COL5A3: variants seen among roughly 807,000 people sequenced by gnomAD.
COL5A3 encodes collagen alpha-3(V) chain.
In COL5A3, 172 loss-of-function variants were observed where a neutral mutation model predicts 250.0. The ratio of observed to expected loss-of-function variants is 0.69; its 90% confidence interval spans 0.61 to 0.78. COL5A3 has a LOEUF of 0.78. Ranked by LOEUF, COL5A3 falls within the 30% of genes least tolerant of loss-of-function variation. The probability of loss-of-function intolerance (pLI) is 0.00; values close to 1 mark genes in which losing one functional copy is unlikely to be tolerated. For synonymous variants in COL5A3, 937 were observed against 900.4 expected, an observed-to-expected ratio of 1.04 and a Z score of -0.73; for missense variants, 2,340 against 2,334.4, an observed-to-expected ratio of 1.00 and a Z score of -0.05.
chr19:9,983,626 GAAAGAA>G (rs199517294), intron 31 of COL5A3, among the ~76,000 whole-genome samples: 4,647 of 119,186 alleles, frequency 0.039, 203 homozygotes, highest in African/African-American at 0.067. Context: ...GAGAAAGAAA[GAAAGAA>G]GAGAGAGAGA....
At chr19:9,972,749 T>C (rs2086870670) in intron 51 of COL5A3, among the ~76,000 whole-genome samples, 170 bp downstream of exon 51, 1 of 151,774 alleles carries the variant, frequency 6.6e-6, no homozygotes, top group South Asian at 2.1e-4. Flanking sequence ...GGCAGAAGAA[T>C]CGCTTGAACC....
rs780489528 is a variant in COL5A3 at position 9,989,188 on chromosome 19, A to G, written c.2092-11T>C. The G allele has an allele frequency of 9.9e-6, 16 of 1,614,068 alleles. No homozygotes were observed. Among genetic ancestry groups the G allele is most frequent in the Non-Finnish European group, 1.2e-5 (14 of 1,180,014 alleles). On this transcript the variant is annotated splice_polypyrimidine_tract_variant and intron_variant, in intron 26 of 66. Coordinates refer to ENST00000264828, the MANE Select transcript of COL5A3 (RefSeq NM_015719.4). ...CGACCCTGGTGGACCCTGGGAGGAA[A>G]ATAAGGTCAGTGCCATTCTAGACAG...
intron 14 of COL5A3, 41 bp downstream of exon 14, chr19:9,996,165 T>A: frequency 6.4e-7 from 1 of 1,553,276 alleles, no homozygotes; most frequent in Non-Finnish European, 8.7e-7. Flanking sequence ...GATTCTTCAC[T>A]AATGCATGCA....
intron 31 of COL5A3, among the ~76,000 whole-genome samples, chr19:9,985,252 C>T (rs954574329): frequency 3.4e-5 from 5 of 146,284 alleles, no homozygotes; most frequent in African/African-American, 1.3e-4. Context: ...CCCCCGGCCA[C>T]ATCTGGCTAA....
At chr19:9,990,136 G>A (rs2087164713) in intron 24 of COL5A3, among the ~76,000 whole-genome samples, 1 of 151,314 alleles carries the variant, frequency 6.6e-6, no homozygotes, top group Non-Finnish European at 1.5e-5. Flanking sequence ...GCTCATACCT[G>A]TAATCCCAGC....
At chr19:9,997,957 G>A in intron 10 of COL5A3, 27 bp downstream of exon 10, 1 of 1,613,594 alleles carries the variant, frequency 6.2e-7, no homozygotes, top group Non-Finnish European at 8.5e-7. Context: ...GGAAAGACTG[G>A]AAGAAGGAAA....
intron 27 of COL5A3, among the ~76,000 whole-genome samples, chr19:9,988,174 C>T (rs980131599): frequency 1.4e-4 from 21 of 152,082 alleles, no homozygotes; most frequent in African/African-American, 4.3e-4. Context: ...GCAGAGGTTG[C>T]GGTGAGCCCA....
rs1211844380 is a variant in COL5A3, at chr19:9,968,464, C to T, written c.4235G>A (p.Gly1412Asp). The T allele has an allele frequency of 6.3e-7, 1 of 1,587,108 alleles. No homozygotes were observed. Among genetic ancestry groups the T allele is most frequent in the East Asian group, 2.2e-5 (1 of 44,572 alleles). ...KGHIGLIGLI[G>D]PPGEAGEKGD... ...TTTCTCACCAGCTTCTCCCGGGGGG[C>T]CAATGAGACCGATCAATCCAATGTG... Residue 1412 changes from glycine to aspartate, a missense_variant, in exon 59 of 67, where the codon GGC becomes GAC. By Grantham distance (94) the Gly-to-Asp change is moderately conservative (BLOSUM62 -1). This residue lies in a region of COL5A3 where 1,179 missense variants were observed against 1,162.6 expected (regional missense o/e 1.01). Coordinates refer to ENST00000264828, the MANE Select transcript of COL5A3 (RefSeq NM_015719.4). The surrounding 1 kb of genome is among the most constrained non-coding windows in gnomAD (Gnocchi z 4.1).
rs2086969524 is a variant in COL5A3, at chr19:9,979,258, C to T, written c.2767-19G>A. On this transcript the variant is annotated intron_variant, in intron 38 of 66. Coordinates refer to ENST00000264828, the MANE Select transcript of COL5A3 (RefSeq NM_015719.4). ...TCTTTCCCTGGTGAGGAAGAAGGCT[C>T]CTGTTGAGTGGGGGTGGCCTAGGGG... The T allele has an allele frequency of 1.2e-6, 2 of 1,604,758 alleles. No individual in the cohort carries two copies. The highest frequency in any genetic ancestry group is 1.1e-5 in the South Asian group (1 of 90,824).
chr19:9,989,532 G>C lies in COL5A3; in HGVS notation c.1993-10C>G. On this transcript the variant is annotated splice_polypyrimidine_tract_variant and intron_variant, in intron 24 of 66. Coordinates refer to ENST00000264828, the MANE Select transcript of COL5A3 (RefSeq NM_015719.4). ...GGTTTCCAGGGGGACCCTGAAAGAA[G>C]ATGAACAGCAGGGGAGAGACAGAGG... The C allele has an allele frequency of 1.2e-6, 2 of 1,609,524 alleles. No individual in the cohort carries two copies. Among genetic ancestry groups the C allele is most frequent in the Non-Finnish European group, 1.7e-6 (2 of 1,177,662 alleles).
Position 9,980,874 on chromosome 19 carries a change from A to G in COL5A3, c.2506-15T>C, listed in dbSNP as rs199756593. The G allele has an allele frequency of 5.0e-6, 8 of 1,604,616 alleles. No individual in the cohort carries two copies. In the African/African-American group the frequency reaches 9.4e-5, roughly 19 times the overall value. ...CCACGGGAACCCTGAACAAAAAAAA[A>G]AGGCAAAGATCAGATATGAGGGGGT... On this transcript the variant is annotated splice_polypyrimidine_tract_variant and intron_variant, in intron 33 of 66. Transcript: ENST00000264828.
chr19:9,981,374 A>G (rs560649532), intron 32 of COL5A3, among the ~76,000 whole-genome samples: 10 of 152,322 alleles, frequency 6.6e-5, no homozygotes, highest in Non-Finnish European at 7.3e-5. Context: ...ATGTTTGCCC[A>G]CAAGACATAT....
At chr19:9,991,573 A>C (rs544578038) in intron 24 of COL5A3, 37 bp downstream of exon 24, 2 of 1,542,618 alleles carry the variant, frequency 1.3e-6, no homozygotes, top group Admixed American at 2.0e-5. Context: ...AAGGAAGAAG[A>C]CTTGAGGAGG....
chr19:9,983,274 G>A (rs1303351960), intron 31 of COL5A3, among the ~76,000 whole-genome samples: 31 of 152,006 alleles, frequency 2.0e-4, no homozygotes, highest in Non-Finnish European at 2.9e-5. Context: ...GGCCAAGGTA[G>A]GAGAATCACT....
At chr19:10,008,468 G>A (rs2145151375) in intron 1 of COL5A3, among the ~76,000 whole-genome samples, 1 of 151,946 alleles carries the variant, frequency 6.6e-6, no homozygotes, top group Non-Finnish European at 1.5e-5. Flanking sequence ...CAGGGGCCCA[G>A]CCTGCCCCCT....
intron 35 of COL5A3, 151 bp from the exon 36 acceptor site, chr19:9,980,198 T>C (rs1284555963): frequency 3.8e-6 from 3 of 780,082 alleles, no homozygotes; most frequent in Non-Finnish European, 4.0e-6. Flanking sequence ...AGTCATTTTA[T>C]TCACCACTGT....
chr19:9,969,069 T>C (rs576006457), intron 57 of COL5A3, among the ~76,000 whole-genome samples: 15 of 152,000 alleles, frequency 9.9e-5, no homozygotes, highest in Admixed American at 3.3e-4. Context: ...GTTATAGAGA[T>C]GGGCAGTGTA....
chr19:9,972,304 TTCACTCGTTCATCCATTCAC>T (rs71188867), intron 51 of COL5A3, among the ~76,000 whole-genome samples: 74,140 of 151,476 alleles, frequency 0.49, 19,368 homozygotes, highest in African/African-American at 0.68. Context: ...CATCCATTCA[TTCACTCGTTCATCCATTCAC>T]TCACTCGTTC....
In COL5A3 at chr19:10,001,623, G is replaced by T. The variant is rs1021928358; in HGVS notation, c.1011C>A (p.Thr337=). 6.2e-7 allele frequency: 1 copy of T among 1,614,032 alleles called. No homozygotes were observed. The change falls in exon 8 of 67, where the codon ACC becomes ACA. Residue 337 remains threonine (T), a synonymous_variant. Transcript: ENST00000264828. ...CTTCTTCATCCTCCCTGGCTGCCTT[G>T]GTCTCCAGGGTCCCCAGCTCGGTTC... ...DSGTELGTLE[T]KAAREDEEGD... is the part of the protein sequence containing the mutation.
Sources: allele counts gnomAD v4.1 joint callset (sites outside exome capture counted in the v4.1 genomes callset), GRCh38; gene constraint gnomAD v4.1.1; regional missense constraint gnomAD v4.1.1; non-coding constraint Gnocchi (gnomAD v3.1); transcripts MANE v1.5; gene names NCBI Gene and HGNC (gene_info 2026-07-23, HGNC 2026-07-21).